The following ST3GAL1 variants were observed in gnomAD, a reference collection of about 807,000 sequenced individuals.
The protein encoded by ST3GAL1 is CMP-N-acetylneuraminate-beta-galactosamide-alpha-2,3-sialyltransferase 1.
A neutral mutation model predicts 34.1 loss-of-function variants in ST3GAL1; 16 were observed. That is an observed-to-expected ratio of 0.47 (90% confidence interval 0.32 to 0.71). ST3GAL1 has a LOEUF of 0.71. ST3GAL1 is among the 30% of genes least tolerant of loss of function. The pLI, the probability that ST3GAL1 is intolerant of heterozygous loss-of-function variation, is 0.04. For synonymous variants in ST3GAL1, 191 were observed against 184.7 expected (o/e 1.03, Z -0.28); for missense variants, 353 against 447.4 (o/e 0.79, Z 1.90).
chr8:133,466,028 C>T lies in ST3GAL1; in HGVS notation c.369G>A (p.Val123=). The change falls in exon 6 of 10, where the codon GTG becomes GTA. Residue 123 remains valine, a synonymous_variant. Transcript: ENST00000522652. This position sits in a 1 kb window ranked among gnomAD's most constrained non-coding sequence, Gnocchi z 4.4. ...LNDTIKELFR[V]VPGNVDPMLE... is the part of the protein sequence containing the mutation. Reference sequence around the variant, plus strand: ...GCATAGGGTCCACATTCCCAGGCACCACTCTGAACAGCTCCTTGATGGTGT... The same window carrying T: ...GCATAGGGTCCACATTCCCAGGCACTACTCTGAACAGCTCCTTGATGGTGT... The T allele has an allele frequency of 6.2e-7, 1 of 1,614,194 alleles. No individual in the cohort carries two copies.
rs1165947749 is a variant in ST3GAL1, at chr8:133,461,066, G to A, written c.849+809C>T. ...AGCAAGGGTCTGGGACCAGCTGGCT[G>A]GAGGTGGGTGGGGTGGGGAAATGAC... is the stretch of plus-strand genomic sequence containing the variant. On this transcript the variant is annotated intron_variant, in intron 9 of 9. Coordinates refer to ENST00000522652, the MANE Select transcript of ST3GAL1 (RefSeq NM_173344.3). This position sits in a 1 kb window ranked among gnomAD's most constrained non-coding sequence, Gnocchi z 4.7. 6.6e-6 allele frequency among the ~76,000 whole-genome samples: 1 copy of A among 152,152 alleles called. No homozygotes were observed. Among genetic ancestry groups the A allele is most frequent in the African/African-American group, 2.4e-5 (1 of 41,438 alleles).
At position 133,556,248 on chromosome 8, in the gene ST3GAL1, C is replaced by A. The variant is rs765303726; in HGVS notation, c.-581-10322G>T. 6.6e-6 allele frequency among the ~76,000 whole-genome samples: 1 copy of A among 152,122 alleles called. No individual in the cohort carries two copies. Among genetic ancestry groups the A allele is most frequent in the Non-Finnish European group, 1.5e-5 (1 of 68,032 alleles). On this transcript the variant is annotated intron_variant, in intron 1 of 9. Transcript: ENST00000522652. The surrounding 1 kb of genome is among the most constrained non-coding windows in gnomAD (Gnocchi z 8.9). ...CACCCAGGAAGATGAGTTGGTGTCACCCCCAGAGCACAAGGGGTAACACTA... is the reference window on the plus strand; with the variant it reads ...CACCCAGGAAGATGAGTTGGTGTCAACCCCAGAGCACAAGGGGTAACACTA...
chr8:133,503,881 T>C (rs1011278316), intron 2 of ST3GAL1, among the ~76,000 whole-genome samples: 2 of 152,188 alleles, frequency 1.3e-5, no homozygotes, highest in Non-Finnish European at 2.9e-5. Context: ...GGGCTGAAGA[T>C]AGAGGAGTCT....
At chr8:133,563,985 T>A (rs74920822) in intron 1 of ST3GAL1, among the ~76,000 whole-genome samples, 8,896 of 152,272 alleles carry the variant, frequency 0.058, 817 homozygotes, top group African/African-American at 0.2. Flanking sequence ...GAGTGTACTG[T>A]CTATTCTGCA....
intron 2 of ST3GAL1, among the ~76,000 whole-genome samples, chr8:133,526,520 C>T (rs1483551816): frequency 1.3e-5 from 2 of 152,154 alleles, no homozygotes; most frequent in Non-Finnish European, 2.9e-5. Flanking sequence ...AAAAGGACAT[C>T]TATTGAGGGT....
At position 133,456,292 on chromosome 8, in the gene ST3GAL1, C is replaced by T. The variant is rs1395335130; in HGVS notation, c.*3472G>A. On this transcript the variant is annotated 3_prime_UTR_variant, in exon 10 of 10. Coordinates refer to ENST00000522652, the MANE Select transcript of ST3GAL1 (RefSeq NM_173344.3). ...TCAGTGCCCTGACTCACTGGGGAGA[C>T]CCAGGGGGTTGGGATGTTGCTGACA... 7.0e-6 allele frequency: 1 copy of T among 141,894 alleles called. No individual in the cohort carries two copies. Among genetic ancestry groups the T allele is most frequent in the Non-Finnish European group, 1.5e-5 (1 of 64,760 alleles). 8.8% of individuals were successfully genotyped at this position (141,894 alleles called of 1,614,324 possible).
intron 1 of ST3GAL1, among the ~76,000 whole-genome samples, chr8:133,549,227 C>T (rs1042945686): frequency 6.6e-6 from 1 of 151,318 alleles, no homozygotes; most frequent in African/African-American, 2.4e-5. Context: ...ATGGAGAAAC[C>T]CTGTCTCTAC....
intron 2 of ST3GAL1, among the ~76,000 whole-genome samples, chr8:133,539,432 C>A (rs552720990): frequency 4.6e-5 from 7 of 152,292 alleles, no homozygotes; most frequent in African/African-American, 1.7e-4. Context: ...ACGCTCCAGC[C>A]CCTGGGCTGC....
At chr8:133,540,708 CAGACATATATATATAT>C (rs1364360496) in intron 2 of ST3GAL1, among the ~76,000 whole-genome samples, 6 of 120,450 alleles carry the variant, frequency 5.0e-5, no homozygotes, top group South Asian at 2.7e-4. Context: ...TATATATATA[CAGACATATATATATAT>C]AGACATATAT....
chr8:133,459,604 G>A lies in ST3GAL1; in HGVS notation c.*160C>T. 1 of 845,160 alleles carries A rather than the reference G, an allele frequency of 1.2e-6. No individual in the cohort carries two copies. The highest frequency in any genetic ancestry group is 1.7e-6 in the Non-Finnish European group (1 of 573,854). 52.4% of individuals were successfully genotyped at this position (845,160 alleles called of 1,614,324 possible). On this transcript the variant is annotated 3_prime_UTR_variant, in exon 10 of 10. Coordinates refer to ENST00000522652, the MANE Select transcript of ST3GAL1 (RefSeq NM_173344.3). The surrounding 1 kb of genome is among the most constrained non-coding windows in gnomAD (Gnocchi z 4.7). ...TGGCAGAGCTTAGTGACCTTGCTGAGTAGATGCTGCCAACGGCTGGGTGCA... is the reference window on the plus strand; with the variant it reads ...TGGCAGAGCTTAGTGACCTTGCTGAATAGATGCTGCCAACGGCTGGGTGCA...
rs551325765 is a variant in ST3GAL1, at chr8:133,478,470, C to T, written c.-373-1870G>A. ...AACAAATGGTGCTAAATCCCTGATC[C>T]TGCTCAACCTGCAGCCCCACCCTCA... On this transcript the variant is annotated intron_variant, in intron 3 of 9. Transcript: ENST00000522652. Among the ~76,000 whole-genome samples, 19 of 152,330 alleles carry T rather than the reference C, an allele frequency of 1.2e-4. No homozygotes were observed. The South Asian group carries it at 3.7e-3, about 30-fold the overall frequency.
Position 133,529,930 on chromosome 8 carries a change from G to C in ST3GAL1, c.-429+15844C>G, listed in dbSNP as rs75925936. Among the ~76,000 whole-genome samples, 2,787 of 144,882 alleles carry C rather than the reference G, an allele frequency of 0.019. 145 individuals carry two copies. In the East Asian group the frequency reaches 0.21, roughly 11 times the overall value. ...TGCTGCCAGCACTCCCCAGCCCCCT[G>C]CCCGCTCCTTTCTAGCACCTGTTCT... On this transcript the variant is annotated intron_variant, in intron 2 of 9. Coordinates refer to ENST00000522652, the MANE Select transcript of ST3GAL1 (RefSeq NM_173344.3).
intron 2 of ST3GAL1, among the ~76,000 whole-genome samples, chr8:133,523,738 C>T (rs189812432): frequency 6.6e-6 from 1 of 152,302 alleles, no homozygotes; most frequent in Non-Finnish European, 1.5e-5. Flanking sequence ...AGAACAAGTA[C>T]AAACGGACTG....
At chr8:133,471,839 G>C (rs950811353) in intron 5 of ST3GAL1, among the ~76,000 whole-genome samples, 1 of 152,090 alleles carries the variant, frequency 6.6e-6, no homozygotes, top group African/African-American at 2.4e-5. Context: ...TTGGGCACTG[G>C]GCATGGATGT....
chr8:133,475,679 C>G, intron 5 of ST3GAL1, 40 bp downstream of exon 5: 1 of 1,524,710 alleles, frequency 6.6e-7, no homozygotes, highest in South Asian at 1.3e-5. Flanking sequence ...GTCCACACCC[C>G]AACTCTCAGC....
At chr8:133,554,972 C>A (rs1043251212) in intron 1 of ST3GAL1, among the ~76,000 whole-genome samples, 2 of 152,172 alleles carry the variant, frequency 1.3e-5, no homozygotes, top group African/African-American at 4.8e-5. Flanking sequence ...CGTGATCTGC[C>A]AGCCACGGCC....
chr8:133,540,780 CAT>C (rs377640953), intron 2 of ST3GAL1, among the ~76,000 whole-genome samples: 43,200 of 78,118 alleles, frequency 0.55, 11,725 homozygotes, highest in African/African-American at 0.69. Context: ...TATATAGAGA[CAT>C]ATATATATAT....
In ST3GAL1 at chr8:133,571,144, G is replaced by C. The variant is rs1819556169; in HGVS notation, c.-582+549C>G. On this transcript the variant is annotated intron_variant, in intron 1 of 9. Transcript: ENST00000522652. This position sits in a 1 kb window ranked among gnomAD's most constrained non-coding sequence, Gnocchi z 6.7. ...CTGCTTGCAGCGGATTGGGGGACTC[G>C]ATCCGGATACTGTCCCACGGCCGCT... Among the ~76,000 whole-genome samples the C allele has an allele frequency of 1.3e-5, 2 of 152,202 alleles. No individual in the cohort carries two copies. Among genetic ancestry groups the C allele is most frequent in the African/African-American group, 4.8e-5 (2 of 41,462 alleles).
intron 3 of ST3GAL1, among the ~76,000 whole-genome samples, chr8:133,497,443 C>T (rs561069176): frequency 6.9e-6 from 1 of 145,142 alleles, no homozygotes; most frequent in African/African-American, 2.5e-5. Flanking sequence ...CTCTCCCATG[C>T]AATTTTGTTG....
Sources: gnomAD v4.1 joint callset for allele counts (sites outside exome capture counted in the v4.1 genomes callset) on GRCh38, gnomAD v4.1.1 for gene constraint, Gnocchi (gnomAD v3.1) non-coding constraint, MANE v1.5 for transcripts, NCBI Gene and HGNC (gene_info 2026-07-23, HGNC 2026-07-21) for gene names.